The following OTULIN variants were observed in gnomAD, a reference collection of about 807,000 sequenced individuals.
The protein encoded by OTULIN is ubiquitin thioesterase otulin.
In OTULIN, 15 loss-of-function variants were observed where a neutral mutation model predicts 39.6. The observed-to-expected ratio is 0.38, with a 90% CI of 0.25 to 0.58. The LOEUF is 0.58. Among genes scored for constraint, OTULIN ranks in the 20% least tolerant of loss-of-function variants. The pLI, the probability that OTULIN is intolerant of heterozygous loss-of-function variation, is 0.66. For synonymous variants in OTULIN, 156 were observed against 170.3 expected (o/e 0.92, Z 0.65); for missense variants, 319 against 445.9 (o/e 0.72, Z 2.56).
At chr5:14,680,490 A>G (rs895050356) in intron 3 of OTULIN, among the ~76,000 whole-genome samples, 6 of 152,256 alleles carry the variant, frequency 3.9e-5, no homozygotes, top group South Asian at 2.1e-4. Flanking sequence ...GTGACTGTCA[A>G]TGAAAAGTTG....
At chr5:14,668,975 A>C (rs1465756544) in intron 1 of OTULIN, among the ~76,000 whole-genome samples, 1 of 152,234 alleles carries the variant, frequency 6.6e-6, no homozygotes, top group African/African-American at 2.4e-5. Flanking sequence ...AAGTGGTACC[A>C]GTTATAATTT....
chr5:14,675,598 A>G (rs1197897292), intron 2 of OTULIN, among the ~76,000 whole-genome samples: 1 of 152,116 alleles, frequency 6.6e-6, no homozygotes, highest in Admixed American at 6.5e-5. Context: ...TACCGCTGAC[A>G]GTATTTCACC....
chr5:14,707,189 A>C, the OTULIN span: 1 of 152,226 alleles, frequency 6.6e-6, no homozygotes, highest in South Asian at 2.1e-4. Context: ...TGAAGTAGAA[A>C]GATTTTTAAA....
chr5:14,665,638 T>C (rs536333297), intron 1 of OTULIN, among the ~76,000 whole-genome samples: 1 of 152,210 alleles, frequency 6.6e-6, no homozygotes, highest in Non-Finnish European at 1.5e-5. Flanking sequence ...TTCTACACTT[T>C]CAAGTTTTAG....
At position 14,678,751 on chromosome 5, in the gene OTULIN, A is replaced by G. The variant is rs202133673; in HGVS notation, c.300A>G (p.Thr100=). 61 of 1,609,308 alleles carry G rather than the reference A, an allele frequency of 3.8e-5. No homozygotes were observed. The highest frequency in any genetic ancestry group is 4.8e-5 in the Non-Finnish European group (56 of 1,178,130). ...DYCKKEWRGN[T]QKATCMKMGY... Reference sequence around the variant, plus strand: ...GCAAAAAAGAATGGAGAGGAAATACACAGAAAGCAACGTGTATGAAAATGG... The same window carrying G: ...GCAAAAAAGAATGGAGAGGAAATACGCAGAAAGCAACGTGTATGAAAATGG... The change falls in exon 3 of 7, where the codon ACA becomes ACG. Residue 100 remains threonine (T), a synonymous_variant. Transcript: ENST00000284274.
At chr5:14,679,913 T>C (rs530949432) in intron 3 of OTULIN, among the ~76,000 whole-genome samples, 1 of 111,572 alleles carries the variant, frequency 9.0e-6, no homozygotes, top group South Asian at 4.0e-4. Flanking sequence ...AAATATGCTG[T>C]TGGTCACTTG....
At chr5:14,716,263 G>A in the OTULIN span, among the ~76,000 whole-genome samples, 20 of 152,212 alleles carry the variant, frequency 1.3e-4, no homozygotes, top group South Asian at 2.7e-3. Context: ...GCACTTTGCC[G>A]AGGAGGAGCA....
At chr5:14,704,329 CAAAAAAAAAAAA>C (rs1194771023), downstream of OTULIN, among the ~76,000 whole-genome samples, 712 of 65,548 alleles carry the variant, frequency 0.011, 13 homozygotes, top group African/African-American at 0.045. Context: ...GACTCCGTCT[CAAAAAAAAAAAA>C]AAAAAAAAAA....
In OTULIN at chr5:14,693,934, TACAG is replaced by T. The variant is rs1736599261; in HGVS notation, c.*887_*890del. On this transcript the variant is annotated 3_prime_UTR_variant, in exon 7 of 7. Coordinates refer to ENST00000284274, the MANE Select transcript of OTULIN (RefSeq NM_138348.6). The stretch of plus-strand genomic sequence containing the variant: ...TTAGTGTTGGAAGCTTTAATTATTC[TACAG>T]TTCCATAGATTCACAATTTTATAGC... The T allele has an allele frequency of 6.6e-6, 1 of 152,224 alleles. No individual in the cohort carries two copies. The highest frequency in any genetic ancestry group is 1.5e-5 in the Non-Finnish European group (1 of 68,048). 9.4% of individuals were successfully genotyped at this position (152,224 alleles called of 1,614,324 possible).
At chr5:14,692,197 A>G (rs768807789) in intron 6 of OTULIN, among the ~76,000 whole-genome samples, 14 of 152,370 alleles carry the variant, frequency 9.2e-5, no homozygotes, top group Non-Finnish European at 1.9e-4. Context: ...CCAGCAATGT[A>G]TCAGTGTCCT....
At position 14,664,767 on chromosome 5, in the gene OTULIN, A is replaced by G; in HGVS notation, c.-59A>G. On this transcript the variant is annotated 5_prime_UTR_variant, in exon 1 of 7. Coordinates refer to ENST00000284274, the MANE Select transcript of OTULIN (RefSeq NM_138348.6). Reference sequence around the variant, plus strand: ...GCTGCGGCCACTGCCTGGCACCCCGACGGGAGGGGCTCCGGATCGTTCGGA... The same window carrying G: ...GCTGCGGCCACTGCCTGGCACCCCGGCGGGAGGGGCTCCGGATCGTTCGGA... The G allele has an allele frequency of 9.0e-7, 1 of 1,115,312 alleles. No homozygotes were observed. Among genetic ancestry groups the G allele is most frequent in the Non-Finnish European group, 1.1e-6 (1 of 912,904 alleles). The allele number at this position is 1,115,312 out of a possible 1,614,324, so 69.1% of individuals were successfully genotyped here.
chr5:14,680,170 T>C (rs1736210552), intron 3 of OTULIN, among the ~76,000 whole-genome samples: 1 of 152,216 alleles, frequency 6.6e-6, no homozygotes, highest in African/African-American at 2.4e-5. Context: ...TATTCTGGGG[T>C]AATTGAGGTT....
At chr5:14,704,054 G>T (rs199565428), downstream of OTULIN, among the ~76,000 whole-genome samples, 6 of 152,216 alleles carry the variant, frequency 3.9e-5, no homozygotes, top group East Asian at 1.2e-3. Flanking sequence ...GATGCTGGCC[G>T]GGCGTGGTGG....
intron 4 of OTULIN, among the ~76,000 whole-genome samples, chr5:14,682,065 A>T (rs1219270775): frequency 6.6e-6 from 1 of 152,238 alleles, no homozygotes; most frequent in Non-Finnish European, 1.5e-5. Context: ...GATTACTGTC[A>T]CATGGAGAGG....
At chr5:14,683,206 A>C (rs527964303) in intron 4 of OTULIN, among the ~76,000 whole-genome samples, 9 of 151,844 alleles carry the variant, frequency 5.9e-5, no homozygotes, top group African/African-American at 1.7e-4. Flanking sequence ...TTGAGCCAGG[A>C]GTTCAAGTCC....
At chr5:14,668,553 G>A (rs368146042) in intron 1 of OTULIN, among the ~76,000 whole-genome samples, 4 of 152,098 alleles carry the variant, frequency 2.6e-5, no homozygotes, top group African/African-American at 4.8e-5. Flanking sequence ...GTGTAATATT[G>A]GTTGACACTG....
intron 4 of OTULIN, among the ~76,000 whole-genome samples, chr5:14,682,631 T>C (rs1736282981): frequency 6.6e-6 from 1 of 152,152 alleles, no homozygotes; most frequent in African/African-American, 2.4e-5. Flanking sequence ...GAAAAAGATG[T>C]TAGGATTTTA....
chr5:14,686,492 A>G (rs1386802792), intron 4 of OTULIN, among the ~76,000 whole-genome samples: 1 of 152,014 alleles, frequency 6.6e-6, no homozygotes, highest in Non-Finnish European at 1.5e-5. Context: ...TTTTTTATAG[A>G]AATGGGGTCT....
chr5:14,692,788 A>T, intron 6 of OTULIN, 66 bp from the exon 7 acceptor site: 7 of 1,439,908 alleles, frequency 4.9e-6, no homozygotes, highest in Non-Finnish European at 6.8e-6. Flanking sequence ...AATGGATGGA[A>T]CATGGTGTTA....
Sources: gnomAD v4.1 joint callset for allele counts (sites outside exome capture counted in the v4.1 genomes callset) on GRCh38, gnomAD v4.1.1 for gene constraint, MANE v1.5 for transcripts, NCBI Gene and HGNC (gene_info 2026-07-23, HGNC 2026-07-21) for gene names.